The following GRIP1 variants were observed in gnomAD, a reference collection of about 807,000 sequenced individuals.
GRIP1 encodes the protein glutamate receptor-interacting protein 1.
A neutral mutation model predicts 129.9 loss-of-function variants in GRIP1; 45 were observed. The observed-to-expected ratio is 0.35, with a 90% CI of 0.27 to 0.44. GRIP1 has a LOEUF of 0.44. Among genes scored for constraint, GRIP1 ranks in the 20% least tolerant of loss-of-function variants. The pLI is 1.00. For missense variants in GRIP1, 1,196 were observed against 1,396.8 expected (o/e 0.86, Z 2.29); for synonymous variants, 530 against 520.8 (o/e 1.02, Z -0.24).
At chr12:66,901,947 A>C (rs2040850667) in intron 1 of GRIP1, among the ~76,000 whole-genome samples, 2 of 152,228 alleles carry the variant, frequency 1.3e-5, no homozygotes, top group Non-Finnish European at 2.9e-5. Flanking sequence ...AAAAACTTTA[A>C]GTATTTCTTG....
At position 66,348,737 on chromosome 12, in the gene GRIP1, C is replaced by T; in HGVS notation, c.*282G>A. ...GTAAGATGAACTTGTAAAAAATTTC[C>T]TCTGATGTTAATTGTAGAGTTGTGG... On this transcript the variant is annotated 3_prime_UTR_variant, in exon 25 of 25. Transcript: ENST00000359742. 5.1e-6 allele frequency: 2 copies of T among 393,234 alleles called. No individual in the cohort carries two copies. The highest frequency in any genetic ancestry group is 9.2e-6 in the Non-Finnish European group (2 of 217,226). 24.4% of individuals were successfully genotyped at this position (393,234 alleles called of 1,614,324 possible).
In GRIP1 at chr12:66,812,377, C is replaced by T. The variant is rs192137325; in HGVS notation, c.59-215450G>A. Among the ~76,000 whole-genome samples, 50 of 152,316 alleles carry T rather than the reference C, an allele frequency of 3.3e-4. 1 individual carries two copies. The highest frequency in any genetic ancestry group is 9.4e-4 in the African/African-American group (39 of 41,578). On this transcript the variant is annotated intron_variant, in intron 1 of 1. Transcript: ENST00000643019. ...CTTGAACTCCTGACCTCAAGTGATCCGCCTGCCTCGGCCTCCCGAAGTGCT... is the reference window on the plus strand; with the variant it reads ...CTTGAACTCCTGACCTCAAGTGATCTGCCTGCCTCGGCCTCCCGAAGTGCT...
Position 66,379,334 on chromosome 12 carries a change from G to C in GRIP1, c.2567C>G (p.Thr856Ser), listed in dbSNP as rs2055984280. The C allele has an allele frequency of 6.2e-7, 1 of 1,613,952 alleles. No homozygotes were observed. The highest frequency in any genetic ancestry group is 8.5e-7 in the Non-Finnish European group (1 of 1,179,922). ...ATAACTCAGCCCCACATCTGGGTAA[G>C]TCTGGCTTCGAGGCTTAGTGACTGG... ...LSPVTKPRSQ[T>S]YPDVGLSYED... The change falls in exon 20 of 25, where the codon ACT (threonine) becomes AGT (serine). Residue 856 changes from threonine to serine, a missense_variant. Thr to Ser is a moderately conservative substitution (Grantham distance 58). This residue lies in a region of GRIP1 where 427 missense variants were observed against 463.3 expected (regional missense o/e 0.92). Transcript: ENST00000359742.
At chr12:66,664,615 T>C (rs2033693338) in intron 1 of GRIP1, among the ~76,000 whole-genome samples, 1 of 152,194 alleles carries the variant, frequency 6.6e-6, no homozygotes, top group African/African-American at 2.4e-5. Flanking sequence ...GTGTCTTTTA[T>C]ATTATAATTG....
At chr12:67,055,812 G>A (rs552708080) in intron 1 of GRIP1, among the ~76,000 whole-genome samples, 9 of 152,300 alleles carry the variant, frequency 5.9e-5, no homozygotes, top group African/African-American at 1.9e-4. Flanking sequence ...AAGCCACTGG[G>A]CCACACTTTG....
intron 1 of GRIP1, among the ~76,000 whole-genome samples, chr12:66,884,217 A>C (rs1026064863): frequency 6.6e-6 from 1 of 152,236 alleles, no homozygotes; most frequent in Non-Finnish European, 1.5e-5. Context: ...TTTCAGTGAG[A>C]CCGCTTAGCG....
At chr12:67,019,977 A>G (rs2042841663) in intron 1 of GRIP1, among the ~76,000 whole-genome samples, 1 of 152,224 alleles carries the variant, frequency 6.6e-6, no homozygotes, top group African/African-American at 2.4e-5. Context: ...GAACTCAGTT[A>G]AAGACTTCCT....
intron 1 of GRIP1, among the ~76,000 whole-genome samples, chr12:66,696,915 T>G (rs1372012162): frequency 1.3e-5 from 2 of 152,106 alleles, no homozygotes; most frequent in Non-Finnish European, 2.9e-5. Context: ...CAAAAAAAGT[T>G]GCTTGTTGAA....
At chr12:66,618,528 A>T (rs73127134) in intron 1 of GRIP1, among the ~76,000 whole-genome samples, 24,775 of 151,950 alleles carry the variant, frequency 0.16, 2,219 homozygotes, top group Non-Finnish European at 0.18. Context: ...TCTATCTATT[A>T]AAAAAAAGTA....
intron 7 of GRIP1, among the ~76,000 whole-genome samples, chr12:66,475,248 G>C (rs2059569114): frequency 6.6e-6 from 1 of 152,162 alleles, no homozygotes; most frequent in Admixed American, 6.5e-5. Flanking sequence ...TTACATAATG[G>C]TAAAGGGATA....
intron 1 of GRIP1, among the ~76,000 whole-genome samples, chr12:66,912,927 C>G (rs576209059): frequency 6.6e-6 from 1 of 152,174 alleles, no homozygotes; most frequent in East Asian, 1.9e-4. Flanking sequence ...AGTTTAAACT[C>G]TAATGAAAAA....
intron 1 of GRIP1, among the ~76,000 whole-genome samples, chr12:66,943,584 TATGC>T (rs1005554115): frequency 4.6e-5 from 7 of 152,322 alleles, no homozygotes; most frequent in African/African-American, 1.7e-4. Flanking sequence ...AGAAAGGCAG[TATGC>T]ATGCCTCTAT....
chr12:66,925,413 A>G (rs576103059), intron 1 of GRIP1, among the ~76,000 whole-genome samples: 47 of 151,772 alleles, frequency 3.1e-4, no homozygotes, highest in Middle Eastern at 3.4e-3. Context: ...TGTATGGCCT[A>G]TGAGAAGTAC....
rs2035240821 is a variant in GRIP1, at chr12:66,698,485, C to T, written c.-419-68149G>A. 3.9e-5 allele frequency among the ~76,000 whole-genome samples: 6 copies of T among 152,318 alleles called. No individual in the cohort carries two copies. In the South Asian group the frequency reaches 1.2e-3, roughly 32 times the overall value. ...GAACCCACATTCTACACACGCAAGG[C>T]AGAACTTCACAAATGCTTCCCAGGA... On this transcript the variant is annotated intron_variant, in intron 1 of 4. Transcript: ENST00000538373.
intron 1 of GRIP1, among the ~76,000 whole-genome samples, chr12:67,011,080 G>A (rs542210786): frequency 6.6e-6 from 1 of 152,226 alleles, no homozygotes; most frequent in South Asian, 2.1e-4. Flanking sequence ...GCTCCAGAGT[G>A]GCACATCCAA....
rs952435283 is a variant in GRIP1 at position 66,679,017 on chromosome 12, G to C, written c.-113C>G. 6.3e-7 allele frequency: 1 copy of C among 1,577,426 alleles called. No individual in the cohort carries two copies. Among genetic ancestry groups the C allele is most frequent in the African/African-American group, 1.4e-5 (1 of 73,590 alleles). ...ACATACCAGGAGAAAGGTAGTCCCA[G>C]TGGGGAGTGACAAAGCTTAATTCCT... On this transcript the variant is annotated 5_prime_UTR_variant, in exon 1 of 25. Transcript: ENST00000359742.
chr12:66,564,976 T>C (rs2062695045), intron 2 of GRIP1, among the ~76,000 whole-genome samples: 1 of 152,188 alleles, frequency 6.6e-6, no homozygotes, highest in Non-Finnish European at 1.5e-5. Flanking sequence ...ATGGGGTTGA[T>C]TTTTTCTTGT....
At chr12:66,562,173 G>T (rs1424132552) in intron 2 of GRIP1, among the ~76,000 whole-genome samples, 1 of 152,104 alleles carries the variant, frequency 6.6e-6, no homozygotes, top group East Asian at 1.9e-4. Context: ...TATCACTAAG[G>T]TTGTTTAAGT....
At chr12:66,684,098 T>C (rs996842516), upstream of GRIP1, among the ~76,000 whole-genome samples, 12 of 152,204 alleles carry the variant, frequency 7.9e-5, no homozygotes, top group African/African-American at 2.9e-4. Flanking sequence ...TAAACTGAGT[T>C]TATCTGTGTA....
Sources: allele counts gnomAD v4.1 joint callset (sites outside exome capture counted in the v4.1 genomes callset), GRCh38; gene constraint gnomAD v4.1.1; regional missense constraint gnomAD v4.1.1; transcripts MANE v1.5; gene names NCBI Gene and HGNC (gene_info 2026-07-23, HGNC 2026-07-21).